Variants in RNF130 observed in about 807,000 individuals in gnomAD.
RNF130 encodes the protein ring finger protein 130.
RNF130 carries 21 observed loss-of-function variants against 44.6 expected under a neutral mutation model. The ratio of observed to expected loss-of-function variants is 0.47; its 90% CI spans 0.33 to 0.68. The LOEUF (loss-of-function observed/expected upper bound fraction) is 0.68, where lower values mean the gene tolerates loss of function less well. Ranked by LOEUF, RNF130 falls within the 30% of genes least tolerant of loss-of-function variation. The pLI is 0.02. For synonymous variants in RNF130, 214 were observed against 210.4 expected (o/e 1.02, Z -0.15); for missense variants, 479 against 560.6 (o/e 0.85, Z 1.47).
At chr5:179,992,536 T>A (rs1215863097) in intron 3 of RNF130, among the ~76,000 whole-genome samples, 1 of 152,214 alleles carries the variant, frequency 6.6e-6, no homozygotes, top group Non-Finnish European at 1.5e-5. Flanking sequence ...AAAAAACTTA[T>A]CTTACTTGAC....
intron 8 of RNF130, among the ~76,000 whole-genome samples, chr5:179,957,900 C>G (rs1043534392): frequency 1.3e-5 from 2 of 148,778 alleles, no homozygotes; most frequent in Non-Finnish European, 3.0e-5. Context: ...TTTTTTGAGA[C>G]GGAGTCTCGC....
intron 7 of RNF130, among the ~76,000 whole-genome samples, chr5:179,943,137 G>A (rs1172252366): frequency 1.3e-5 from 2 of 152,240 alleles, no homozygotes; most frequent in East Asian, 1.9e-4. Flanking sequence ...AGAGGTTGCA[G>A]TGAGCTGAGA....
Position 180,060,595 on chromosome 5 carries a change from C to T in RNF130, c.247+10861G>A, listed in dbSNP as rs146000548. ...CCTGTCCGTTCACTTGCCAGCACTT[C>T]CACCCTAACTTAGCGCAGGGATTCT... On this transcript the variant is annotated intron_variant, in intron 1 of 8. Coordinates refer to ENST00000521389, the MANE Select transcript of RNF130 (RefSeq NM_018434.6). Among the ~76,000 whole-genome samples, 1,174 of 152,316 alleles carry T rather than the reference C, an allele frequency of 7.7e-3. 6 individuals are homozygous for T. Among genetic ancestry groups the T allele is most frequent in the Non-Finnish European group, 9.3e-3 (636 of 68,034 alleles).
intron 3 of RNF130, among the ~76,000 whole-genome samples, chr5:179,992,914 C>G (rs183431141): frequency 2.4e-4 from 36 of 152,216 alleles, no homozygotes; most frequent in Non-Finnish European, 4.6e-4. Flanking sequence ...GTGATGTTCC[C>G]CATCCTGTGT....
intron 1 of RNF130, among the ~76,000 whole-genome samples, chr5:180,060,353 T>C (rs1582230466): frequency 1.3e-5 from 2 of 152,278 alleles, no homozygotes; most frequent in African/African-American, 4.8e-5. Flanking sequence ...CAGTGGCTCC[T>C]GGCCTAGCCA....
In RNF130 at chr5:180,044,232, G is replaced by A. The variant is rs192990161; in HGVS notation, c.248-3585C>T. On this transcript the variant is annotated intron_variant, in intron 1 of 8. Transcript: ENST00000521389. ...TCTTACCTGCCAACTTTTATAAGAGGATACTATCTCTGAATTATTTGCATT... is the reference window on the plus strand; with the variant it reads ...TCTTACCTGCCAACTTTTATAAGAGAATACTATCTCTGAATTATTTGCATT... Among the ~76,000 whole-genome samples, 717 of 152,214 alleles carry A rather than the reference G, an allele frequency of 4.7e-3. 7 individuals carry two copies. The highest frequency in any genetic ancestry group is 3.9e-3 in the Non-Finnish European group (262 of 68,004).
chr5:180,040,284 AAAG>A (rs1444977737), intron 2 of RNF130, among the ~76,000 whole-genome samples, 166 bp downstream of exon 2: 1 of 152,242 alleles, frequency 6.6e-6, no homozygotes, highest in Admixed American at 6.5e-5. Flanking sequence ...TACTTACAAA[AAAG>A]AAGAAATTCA....
intron 1 of RNF130, among the ~76,000 whole-genome samples, chr5:180,063,844 T>C (rs1765040513): frequency 6.6e-6 from 1 of 152,224 alleles, no homozygotes; most frequent in South Asian, 2.1e-4. Context: ...TACAAAAGAC[T>C]TCTGTAAATA....
chr5:180,066,212 T>C (rs144946808), intron 1 of RNF130, among the ~76,000 whole-genome samples: 1 of 152,310 alleles, frequency 6.6e-6, no homozygotes, highest in African/African-American at 2.4e-5. Flanking sequence ...GTTTCCCCCA[T>C]ACTATTCTCG....
intron 7 of RNF130, among the ~76,000 whole-genome samples, chr5:179,925,266 A>G (rs536240577): frequency 1.4e-5 from 2 of 141,632 alleles, no homozygotes; most frequent in East Asian, 4.9e-4. Flanking sequence ...GCTGAAAGTT[A>G]AGTTGATCGC....
intron 1 of RNF130, among the ~76,000 whole-genome samples, chr5:180,041,607 CAGAAGGGGAG>C (rs1346980539): frequency 2.6e-5 from 4 of 152,230 alleles, no homozygotes; most frequent in Admixed American, 2.6e-4. Context: ...AAGGGCAGCC[CAGAAGGGGAG>C]AGAAGTCACC....
At chr5:179,929,666 T>C (rs1164347289) in intron 7 of RNF130, among the ~76,000 whole-genome samples, 1 of 151,992 alleles carries the variant, frequency 6.6e-6, no homozygotes, top group Non-Finnish European at 1.5e-5. Flanking sequence ...GAGGATCACT[T>C]GAGCCTGGGA....
chr5:180,050,616 G>C (rs572834959), intron 1 of RNF130, among the ~76,000 whole-genome samples: 1 of 152,232 alleles, frequency 6.6e-6, no homozygotes, highest in African/African-American at 2.4e-5. Flanking sequence ...TTTTCCTTCT[G>C]TGTTCCATTT....
At chr5:179,991,380 T>C (rs561098191) in intron 3 of RNF130, among the ~76,000 whole-genome samples, 48 of 152,354 alleles carry the variant, frequency 3.2e-4, no homozygotes, top group African/African-American at 1.1e-3. Flanking sequence ...TCTGAATGAC[T>C]AGATGTCTTG....
At chr5:179,925,881 C>T (rs770763802) in intron 7 of RNF130, among the ~76,000 whole-genome samples, 9 of 152,154 alleles carry the variant, frequency 5.9e-5, no homozygotes, top group African/African-American at 9.7e-5. Flanking sequence ...AACACAGACT[C>T]CATATAGACG....
intron 1 of RNF130, among the ~76,000 whole-genome samples, chr5:180,063,815 A>G (rs1413598476): frequency 6.6e-6 from 1 of 152,274 alleles, no homozygotes; most frequent in African/African-American, 2.4e-5. Context: ...TGGTTCATCC[A>G]CAATGGAAAT....
chr5:179,935,947 C>T (rs1469851306), intron 7 of RNF130, among the ~76,000 whole-genome samples: 3 of 152,160 alleles, frequency 2.0e-5, no homozygotes, highest in African/African-American at 4.8e-5. Flanking sequence ...GCGGTCTCCA[C>T]AAGGGATGAG....
chr5:179,997,202 C>T lies in RNF130; in HGVS notation c.693+15859G>A, dbSNP rs535856025. Among the ~76,000 whole-genome samples, 450 of 152,232 alleles carry T rather than the reference C, an allele frequency of 3.0e-3. 2 individuals are homozygous for T. Among genetic ancestry groups the T allele is most frequent in the Non-Finnish European group, 4.8e-3 (325 of 68,004 alleles). ...TGTTGCCCAGGCTGGAGTGCAGTGG[C>T]GTGATCTTGGCTCACTGCAACCTCT... On this transcript the variant is annotated intron_variant, in intron 3 of 8. Coordinates refer to ENST00000521389, the MANE Select transcript of RNF130 (RefSeq NM_018434.6).
intron 1 of RNF130, among the ~76,000 whole-genome samples, chr5:180,053,487 C>T (rs1764734896): frequency 6.6e-6 from 1 of 152,100 alleles, no homozygotes; most frequent in Admixed American, 6.5e-5. Context: ...TTAAGGAGGA[C>T]TCAAACAAAA....
Sources: allele counts gnomAD v4.1 joint callset (sites outside exome capture counted in the v4.1 genomes callset), GRCh38; gene constraint gnomAD v4.1.1; transcripts MANE v1.5; gene names NCBI Gene and HGNC (gene_info 2026-07-23, HGNC 2026-07-21).